LRCH1: variants seen among roughly 807,000 people sequenced by gnomAD.
The protein encoded by LRCH1 is leucine-rich repeat and calponin homology domain-containing protein 1.
LRCH1 carries 23 observed loss-of-function variants against 94.9 expected under a neutral mutation model. The observed-to-expected ratio is 0.24, with a 90% confidence interval of 0.17 to 0.34. The LOEUF (loss-of-function observed/expected upper bound fraction) is 0.34, where lower values mean the gene tolerates loss of function less well. LRCH1 is among the 10% of genes least tolerant of loss of function. The pLI is 1.00. For missense variants in LRCH1, 790 were observed against 945.9 expected (o/e 0.84, Z 2.16); for synonymous variants, 364 against 354.9 (o/e 1.03, Z -0.29).
chr13:46,590,538 A>T (rs1380385578), intron 1 of LRCH1, among the ~76,000 whole-genome samples: 5 of 152,122 alleles, frequency 3.3e-5, no homozygotes, highest in African/African-American at 1.2e-4. Flanking sequence ...GGTGGCTCAC[A>T]CCTGTAATCT....
At chr13:46,582,660 T>TTTTTTTTTTTTTG in intron 1 of LRCH1, among the ~76,000 whole-genome samples, 1 of 105,976 alleles carries the variant, frequency 9.4e-6, no homozygotes, top group Non-Finnish European at 2.0e-5. Flanking sequence ...TTTTTTTTTT[T>TTTTTTTTTTTTTG]TTTTTTTTTT....
intron 11 of LRCH1, 28 bp from the exon 12 acceptor site, chr13:46,705,040 A>G: frequency 8.4e-7 from 1 of 1,197,288 alleles, no homozygotes; most frequent in South Asian, 1.3e-5. Context: ...TAATACGTTT[A>G]CTAATATCTT....
Position 46,687,591 on chromosome 13 carries a change from T to C in LRCH1, c.823-261T>C, listed in dbSNP as rs79159879. 6.8e-3 allele frequency among the ~76,000 whole-genome samples: 1,032 copies of C among 152,328 alleles called. 12 individuals are homozygous for C. Among genetic ancestry groups the C allele is most frequent in the Non-Finnish European group, 0.011 (734 of 68,032 alleles). On this transcript the variant is annotated intron_variant, in intron 5 of 19. Coordinates refer to ENST00000389797, the MANE Select transcript of LRCH1 (RefSeq NM_001164211.2). ...ATTTTTTATACTATATATACTTGAA[T>C]ACATTTTTGTTAGAGTTTTATAGTT...
At chr13:46,650,456 G>C in intron 2 of LRCH1, 111 bp downstream of exon 2, 4 of 849,880 alleles carry the variant, frequency 4.7e-6, no homozygotes, top group South Asian at 3.9e-5. Context: ...TTTCTTTGAT[G>C]TAGGTCACAC....
intron 1 of LRCH1, among the ~76,000 whole-genome samples, chr13:46,636,026 T>C (rs1410253055): frequency 8.7e-5 from 13 of 149,156 alleles, no homozygotes; most frequent in Admixed American, 7.3e-4. Flanking sequence ...TGGTAAGACA[T>C]ATACAACACA....
chr13:46,673,996 G>T (rs2051638311), intron 3 of LRCH1, among the ~76,000 whole-genome samples: 1 of 152,142 alleles, frequency 6.6e-6, no homozygotes, highest in South Asian at 2.1e-4. Flanking sequence ...TGGCCAGGCT[G>T]CTGTCGAACT....
intron 1 of LRCH1, among the ~76,000 whole-genome samples, chr13:46,618,093 ACAT>A (rs774241346): frequency 3.0e-4 from 45 of 152,182 alleles, no homozygotes; most frequent in Non-Finnish European, 2.4e-4. Flanking sequence ...TGTTGTGTGA[ACAT>A]CATCGAGTGA....
At chr13:46,656,701 T>C (rs2051373558) in intron 2 of LRCH1, among the ~76,000 whole-genome samples, 1 of 152,248 alleles carries the variant, frequency 6.6e-6, no homozygotes, top group African/African-American at 2.4e-5. Context: ...AGTTTACGCT[T>C]TGCCTTTTCT....
chr13:46,691,070 T>C (rs1870869856), intron 7 of LRCH1, among the ~76,000 whole-genome samples: 1 of 152,222 alleles, frequency 6.6e-6, no homozygotes, highest in Non-Finnish European at 1.5e-5. Flanking sequence ...CTAAACAATC[T>C]GTGCATATGT....
chr13:46,681,466 G>A (rs151013910), intron 3 of LRCH1, among the ~76,000 whole-genome samples: 116 of 152,292 alleles, frequency 7.6e-4, no homozygotes, highest in African/African-American at 2.8e-3. Flanking sequence ...CAGTAAAATC[G>A]AAGCATGTCA....
chr13:46,558,385 T>C (rs79286008), intron 1 of LRCH1, among the ~76,000 whole-genome samples: 3,983 of 151,608 alleles, frequency 0.026, 172 homozygotes, highest in African/African-American at 0.092. Context: ...AGGATTTAGA[T>C]AGAAGTGCCT....
At chr13:46,600,823 G>C (rs115628782) in intron 1 of LRCH1, among the ~76,000 whole-genome samples, 2 of 152,116 alleles carry the variant, frequency 1.3e-5, no homozygotes, top group East Asian at 1.9e-4. Context: ...GAACTTTGTC[G>C]TTCATGCTCT....
chr13:46,569,424 G>A (rs2050218096), intron 1 of LRCH1, among the ~76,000 whole-genome samples: 1 of 152,190 alleles, frequency 6.6e-6, no homozygotes, highest in South Asian at 2.1e-4. Flanking sequence ...AGGAGTCAGG[G>A]TTTGAGCCCC....
chr13:46,579,289 C>G (rs1032176289), intron 1 of LRCH1, among the ~76,000 whole-genome samples: 1 of 152,096 alleles, frequency 6.6e-6, no homozygotes, highest in African/African-American at 2.4e-5. Context: ...CTGGCTCTGT[C>G]AGCAGTCATC....
At chr13:46,657,390 A>ATT (rs10672465) in intron 2 of LRCH1, among the ~76,000 whole-genome samples, 10,615 of 146,198 alleles carry the variant, frequency 0.073, 517 homozygotes, top group East Asian at 0.22. Context: ...AAAAAGAGAG[A>ATT]TTTTTTTTTT....
chr13:46,610,217 T>C (rs922972971), intron 1 of LRCH1, among the ~76,000 whole-genome samples: 2 of 152,196 alleles, frequency 1.3e-5, no homozygotes, highest in African/African-American at 4.8e-5. Flanking sequence ...TTTGAACATA[T>C]GTAGAAGTTA....
At position 46,625,524 on chromosome 13, in the gene LRCH1, G is replaced by C. The variant is rs555372009; in HGVS notation, c.308-24677G>C. Among the ~76,000 whole-genome samples the C allele has an allele frequency of 3.3e-5, 5 of 152,032 alleles. No homozygotes were observed. The South Asian group carries it at 1.0e-3, about 31-fold the overall frequency. On this transcript the variant is annotated intron_variant, in intron 1 of 19. Coordinates refer to ENST00000389797, the MANE Select transcript of LRCH1 (RefSeq NM_001164211.2). Reference sequence around the variant, plus strand: ...GACACTGTGAGAAAACATCTGTGAAGCAGAAAGTGGGGTCCTCACCAGACA... The same window carrying C: ...GACACTGTGAGAAAACATCTGTGAACCAGAAAGTGGGGTCCTCACCAGACA...
intron 1 of LRCH1, among the ~76,000 whole-genome samples, chr13:46,580,967 A>G (rs978003241): frequency 1.3e-5 from 2 of 152,178 alleles, no homozygotes; most frequent in Non-Finnish European, 2.9e-5. Flanking sequence ...TGGTTGTCAT[A>G]TTTTAATAAC....
chr13:46,718,711 C>T (rs1872448344), intron 16 of LRCH1, among the ~76,000 whole-genome samples: 1 of 152,142 alleles, frequency 6.6e-6, no homozygotes, highest in South Asian at 2.1e-4. Context: ...TTCACAGTAG[C>T]CTGGATCTAA....
Sources: gnomAD v4.1 joint callset for allele counts (sites outside exome capture counted in the v4.1 genomes callset) on GRCh38, gnomAD v4.1.1 for gene constraint, MANE v1.5 for transcripts, NCBI Gene and HGNC (gene_info 2026-07-23, HGNC 2026-07-21) for gene names.